Variants in VANGL1 observed in about 807,000 individuals in gnomAD.
VANGL1 encodes the protein vang-like protein 1.
VANGL1 carries 18 observed loss-of-function variants against 48.4 expected under a neutral mutation model. That is an observed-to-expected ratio of 0.37 (90% CI 0.26 to 0.55). The LOEUF (loss-of-function observed/expected upper bound fraction) is 0.55, where lower values mean the gene tolerates loss of function less well. Among genes scored for constraint, VANGL1 ranks in the 20% least tolerant of loss-of-function variants. The pLI is 0.81. For synonymous variants in VANGL1, 257 were observed against 261.8 expected (o/e 0.98, Z 0.18); for missense variants, 667 against 675.8 (o/e 0.99, Z 0.14).
chr1:115,691,329 C>T lies in VANGL1; in HGVS notation c.1525C>T (p.Pro509Ser). 1 of 1,613,956 alleles carries T rather than the reference C, an allele frequency of 6.2e-7. No homozygotes were observed. The highest frequency in any genetic ancestry group is 8.5e-7 in the Non-Finnish European group (1 of 1,180,004). ...CATACTCTCTGAAGAGTTCATAGAC[C>T]CCAAATCTCACAAATTTGTCCTTCG... Reference protein sequence around the residue: ...FIILSEEFIDPKSHKFVLRLQ... With the variant: ...FIILSEEFIDSKSHKFVLRLQ... The change falls in exon 8 of 8, where the codon CCC becomes TCC. Residue 509 changes from proline to serine, a missense_variant. Pro to Ser is a moderately conservative substitution (Grantham distance 74, BLOSUM62 -1). Transcript: ENST00000355485.
rs185393860 is a variant in VANGL1, at chr1:115,651,396, C to T, written c.-18C>T. On this transcript the variant is annotated 5_prime_UTR_variant, in exon 2 of 8. Transcript: ENST00000355485. Reference sequence around the variant, plus strand: ...AAACAGTACCTGCTCCTTCCTCAAGCGCAAGCCCTCCATTGCTATGGATAC... The same window carrying T: ...AAACAGTACCTGCTCCTTCCTCAAGTGCAAGCCCTCCATTGCTATGGATAC... 2.9e-4 allele frequency: 467 copies of T among 1,612,942 alleles called. No individual in the cohort carries two copies. The African/African-American group carries it at 4.3e-3, about 15-fold the overall frequency.
At chr1:115,670,024 G>A (rs1652917307) in intron 4 of VANGL1, among the ~76,000 whole-genome samples, 1 of 152,150 alleles carries the variant, frequency 6.6e-6, no homozygotes, top group African/African-American at 2.4e-5. Flanking sequence ...GGAAGTAATT[G>A]AGGTTAAATG....
intron 1 of VANGL1, among the ~76,000 whole-genome samples, chr1:115,647,665 AGCCCTGTG>A (rs1228611310): frequency 6.6e-6 from 1 of 152,176 alleles, no homozygotes; most frequent in Non-Finnish European, 1.5e-5. Context: ...GTAGTGGTCT[AGCCCTGTG>A]TAGGTGGAGC....
intron 3 of VANGL1, among the ~76,000 whole-genome samples, chr1:115,662,821 C>G (rs1165470243): frequency 6.8e-6 from 1 of 147,522 alleles, no homozygotes; most frequent in Non-Finnish European, 1.5e-5. Context: ...GAGTCTCACT[C>G]TGTAGCCCAG....
chr1:115,675,496 C>CT (rs1258121109), intron 4 of VANGL1, among the ~76,000 whole-genome samples: 2 of 151,962 alleles, frequency 1.3e-5, no homozygotes, highest in African/African-American at 4.8e-5. Flanking sequence ...AGGAGACTGT[C>CT]TCAAAAATAA....
chr1:115,670,373 G>C (rs1652933935), intron 4 of VANGL1, among the ~76,000 whole-genome samples: 1 of 152,208 alleles, frequency 6.6e-6, no homozygotes, highest in Admixed American at 6.5e-5. Flanking sequence ...GTTGAATAGA[G>C]CTCATCTTGT....
chr1:115,650,170 C>A (rs1365214323), intron 1 of VANGL1, among the ~76,000 whole-genome samples: 1 of 152,154 alleles, frequency 6.6e-6, no homozygotes, highest in African/African-American at 2.4e-5. Context: ...GGAAACTTGG[C>A]CTCCTCCCAG....
At chr1:115,657,691 G>T (rs1652399943) in intron 2 of VANGL1, among the ~76,000 whole-genome samples, 1 of 152,102 alleles carries the variant, frequency 6.6e-6, no homozygotes, top group Admixed American at 6.5e-5. Context: ...ATCTAACTTT[G>T]CAGTTGTATT....
chr1:115,670,521 A>G (rs1437120323), intron 4 of VANGL1, among the ~76,000 whole-genome samples: 1 of 152,202 alleles, frequency 6.6e-6, no homozygotes. Context: ...TAATTCCAGG[A>G]TATTTCCAGC....
At chr1:115,645,625 AGTT>A (rs1385729528) in intron 1 of VANGL1, among the ~76,000 whole-genome samples, 1 of 152,214 alleles carries the variant, frequency 6.6e-6, no homozygotes, top group Non-Finnish European at 1.5e-5. Flanking sequence ...CTAGAAGAAT[AGTT>A]GACTCTAAAC....
At chr1:115,681,503 G>GTTGTTTT (rs1553189431) in intron 4 of VANGL1, among the ~76,000 whole-genome samples, 8 of 114,878 alleles carry the variant, frequency 7.0e-5, no homozygotes, top group Admixed American at 1.9e-4. Flanking sequence ...TTTTTTTGTT[G>GTTGTTTT]TTTTTTTTGT....
chr1:115,672,544 C>G (rs12408340), intron 4 of VANGL1, among the ~76,000 whole-genome samples: 41,432 of 151,876 alleles, frequency 0.27, 6,143 homozygotes, highest in East Asian at 0.51. Flanking sequence ...AAGCAGAAAC[C>G]TGTGGATCTC....
intron 2 of VANGL1, among the ~76,000 whole-genome samples, chr1:115,658,571 T>C (rs920715971): frequency 6.6e-6 from 1 of 152,202 alleles, no homozygotes; most frequent in Non-Finnish European, 1.5e-5. Flanking sequence ...GATCTGTTTG[T>C]CTCCAAAATC....
At chr1:115,674,821 G>T (rs1235245238) in intron 4 of VANGL1, among the ~76,000 whole-genome samples, 1 of 152,154 alleles carries the variant, frequency 6.6e-6, no homozygotes, top group Non-Finnish European at 1.5e-5. Flanking sequence ...GCCTGGATGA[G>T]CTCTAAAGCT....
intron 4 of VANGL1, among the ~76,000 whole-genome samples, chr1:115,673,133 T>C (rs951929258): frequency 1.8e-4 from 27 of 152,176 alleles, no homozygotes; most frequent in African/African-American, 6.5e-4. Flanking sequence ...CAGGCACACC[T>C]TAAAAAGTAG....
intron 4 of VANGL1, among the ~76,000 whole-genome samples, chr1:115,667,697 C>T (rs975934815): frequency 2.0e-5 from 3 of 152,240 alleles, no homozygotes; most frequent in South Asian, 2.1e-4. Flanking sequence ...ACACCTTGCT[C>T]GTCACTTTTC....
Position 115,663,879 on chromosome 1 carries a change from G to T in VANGL1, c.423G>T (p.Glu141Asp). The part of the protein sequence containing the change: ...ILLPPILWRD[E>D]LEPCGTICEG... ...TACCTCCGATCCTGTGGAGGGATGA[G>T]CTGGAGCCTTGTGGCACAATTTGTG... is the stretch of plus-strand genomic sequence containing the variant. The change falls in exon 4 of 8, where the codon GAG becomes GAT. Residue 141 changes from glutamate to aspartate, a missense_variant. Physicochemically the swap from Glu to Asp is conservative, Grantham distance 45. Coordinates refer to ENST00000355485, the MANE Select transcript of VANGL1 (RefSeq NM_138959.3). The T allele has an allele frequency of 6.2e-7, 1 of 1,614,208 alleles. No homozygotes were observed. The highest frequency in any genetic ancestry group is 1.1e-5 in the South Asian group (1 of 91,084).
At position 115,647,846 on chromosome 1, in the gene VANGL1, G is replaced by A. The variant is rs138367253; in HGVS notation, c.-137-3431G>A. 3.2e-3 allele frequency among the ~76,000 whole-genome samples: 489 copies of A among 152,318 alleles called. 4 individuals carry two copies. Among genetic ancestry groups the A allele is most frequent in the African/African-American group, 0.011 (442 of 41,558 alleles). On this transcript the variant is annotated intron_variant, in intron 1 of 7. Coordinates refer to ENST00000355485, the MANE Select transcript of VANGL1 (RefSeq NM_138959.3). ...GAGAGCACCTATGAGAGGGATGATG[G>A]TATTCCCAAGGGGAGCAAGAGGAAT...
At chr1:115,685,715 C>T (rs543566701) in intron 7 of VANGL1, among the ~76,000 whole-genome samples, 188 bp downstream of exon 7, 104 of 152,166 alleles carry the variant, frequency 6.8e-4, no homozygotes, top group African/African-American at 2.4e-3. Flanking sequence ...ATGTGCCTTT[C>T]GAAGGCCTCT....
Sources: allele counts gnomAD v4.1 joint callset (sites outside exome capture counted in the v4.1 genomes callset), GRCh38; gene constraint gnomAD v4.1.1; transcripts MANE v1.5; gene names NCBI Gene and HGNC (gene_info 2026-07-23, HGNC 2026-07-21).